Variants in KANSL1 observed in about 807,000 individuals in gnomAD.
KANSL1 encodes MLL1/MLL complex subunit KANSL1.
Under a neutral mutation model 103.6 loss-of-function variants are expected in KANSL1, and 22 were observed. That is an observed-to-expected ratio of 0.21 (90% CI 0.15 to 0.30). The LOEUF is 0.30. Ranked by LOEUF, KANSL1 falls within the 10% of genes least tolerant of loss-of-function variation. The probability of loss-of-function intolerance (pLI) is 1.00; values close to 1 mark genes in which losing one functional copy is unlikely to be tolerated. For missense variants in KANSL1, 1,337 were observed against 1,399.8 expected (o/e 0.96, Z 0.72); for synonymous variants, 600 against 527.6 (o/e 1.14, Z -1.88).
chr17:46,135,167 A>G (rs1158701577), intron 2 of KANSL1, among the ~76,000 whole-genome samples: 1 of 152,214 alleles, frequency 6.6e-6, no homozygotes, highest in Non-Finnish European at 1.5e-5. Flanking sequence ...GGGAAAAAAA[A>G]AAGCCTATCT....
chr17:46,098,489 C>G (rs2146984123), intron 2 of KANSL1, among the ~76,000 whole-genome samples: 1 of 152,314 alleles, frequency 6.6e-6, no homozygotes, highest in African/African-American at 2.4e-5. Flanking sequence ...AAGAAAATTA[C>G]TTAAAACATT....
chr17:46,033,082 G>A lies in KANSL1; in HGVS notation c.2835C>T (p.Ser945=). The A allele has an allele frequency of 6.4e-7, 1 of 1,569,372 alleles. No homozygotes were observed. Among genetic ancestry groups the A allele is most frequent in the Admixed American group, 1.8e-5 (1 of 54,418 alleles). ...GGGACCCAAGCCTGCCCCATCACCT[G>A]CTGCCCCGCCGCTGGGGTGGCACAC... The part of the protein sequence containing the change: ...TTSVPPQRRG[S]RSYRSSDGRT... Residue 945 remains serine, a splice_region_variant and synonymous_variant, in exon 13 of 15, where the codon AGC becomes AGT. Transcript: ENST00000432791.
chr17:46,133,886 A>G (rs193137745), intron 2 of KANSL1, among the ~76,000 whole-genome samples: 27 of 152,374 alleles, frequency 1.8e-4, no homozygotes, highest in African/African-American at 6.5e-4. Context: ...AGGTTACTAT[A>G]TTGGTTCAAG....
intron 2 of KANSL1, among the ~76,000 whole-genome samples, chr17:46,147,444 T>C (rs1024320105): frequency 1.3e-5 from 2 of 151,944 alleles, no homozygotes; most frequent in South Asian, 2.1e-4. Context: ...TGTGGTAGCA[T>C]GCGCCTGTAG....
intron 3 of KANSL1, among the ~76,000 whole-genome samples, chr17:46,086,724 G>C (rs62060858): frequency 0.14 from 21,795 of 152,164 alleles, 2,130 homozygotes; most frequent in Non-Finnish European, 0.22. Context: ...GAAGCCAATG[G>C]AGGAGGACTG....
rs1388256066 is a variant in KANSL1, at chr17:46,031,212, C to CCAG, written c.*261_*263dup. The CCAG allele has an allele frequency of 7.1e-6, 4 of 564,000 alleles. No individual in the cohort carries two copies. The highest frequency in any genetic ancestry group is 1.3e-5 in the Non-Finnish European group (4 of 314,432). 34.9% of individuals were successfully genotyped at this position (564,000 alleles called of 1,614,324 possible). A position where few individuals can be genotyped will look rare whatever the true frequency, so the allele number is the denominator to read the frequency against. The stretch of plus-strand genomic sequence containing the variant: ...GTGATTCAACAGTGCAGAGGATGTG[C>CCAG]CAGGACCAGGCCAGCAGGGTCTCAT... On this transcript the variant is annotated 3_prime_UTR_variant, in exon 15 of 15. Coordinates refer to ENST00000432791, the MANE Select transcript of KANSL1 (RefSeq NM_015443.4).
chr17:46,115,816 T>C (rs1467000621), intron 2 of KANSL1, among the ~76,000 whole-genome samples: 2 of 152,148 alleles, frequency 1.3e-5, no homozygotes, highest in Non-Finnish European at 2.9e-5. Context: ...CAGAGATCTC[T>C]AGGCTCATCA....
chr17:46,155,638 T>C (rs1356334676), intron 2 of KANSL1, among the ~76,000 whole-genome samples: 1 of 152,200 alleles, frequency 6.6e-6, no homozygotes, highest in Non-Finnish European at 1.5e-5. Context: ...AAATAATTAT[T>C]AGTCCCAAAA....
At chr17:46,179,031 G>C (rs944246433) in intron 1 of KANSL1, among the ~76,000 whole-genome samples, 11 of 152,276 alleles carry the variant, frequency 7.2e-5, no homozygotes, top group Admixed American at 6.5e-4. Context: ...GACATCTCAC[G>C]ATGAGTAATC....
At chr17:46,046,319 G>A (rs74571696) in intron 7 of KANSL1, among the ~76,000 whole-genome samples, 21,768 of 151,408 alleles carry the variant, frequency 0.14, 2,129 homozygotes, top group Non-Finnish European at 0.22. Context: ...AGATCGCTTG[G>A]GCCCAAGAGT....
chr17:46,085,996 G>T (rs954447219), intron 3 of KANSL1, among the ~76,000 whole-genome samples: 7 of 152,174 alleles, frequency 4.6e-5, no homozygotes, highest in Admixed American at 1.3e-4. Flanking sequence ...AATGACCCAT[G>T]TCCCTTAGCA....
At chr17:46,044,957 T>C (rs1318788793) in intron 7 of KANSL1, 4 of 152,128 alleles carry the variant, frequency 2.6e-5, no homozygotes, top group African/African-American at 9.7e-5. Context: ...CCTTTATGTC[T>C]GGTATAAATG....
In KANSL1 at chr17:46,038,992, A is replaced by C. The variant is rs1192196902; in HGVS notation, c.2392+35T>G. ...GCCCCAGAAAGCCCTGAGCAGGTGC[A>C]GTTGCAGGTAGAGGTGCCATGGGCC... On this transcript the variant is annotated intron_variant, in intron 9 of 14. Coordinates refer to ENST00000432791, the MANE Select transcript of KANSL1 (RefSeq NM_015443.4). 3 of 1,592,006 alleles carry C rather than the reference A, an allele frequency of 1.9e-6. No individual in the cohort carries two copies. In the African/African-American group the frequency reaches 4.1e-5, roughly 22 times the overall value.
At chr17:46,129,417 A>T (rs1225073093) in intron 2 of KANSL1, among the ~76,000 whole-genome samples, 5 of 152,216 alleles carry the variant, frequency 3.3e-5, no homozygotes, top group East Asian at 3.8e-4. Flanking sequence ...GTATATATAT[A>T]AAAAAACTGC....
intron 2 of KANSL1, among the ~76,000 whole-genome samples, chr17:46,120,893 A>G (rs1334306612): frequency 6.6e-6 from 1 of 152,230 alleles, no homozygotes; most frequent in African/African-American, 2.4e-5. Context: ...TCAGCATCTC[A>G]TTATCTTTAT....
chr17:46,048,580 CAACAAA>C (rs2077596154), intron 7 of KANSL1, among the ~76,000 whole-genome samples: 1 of 151,964 alleles, frequency 6.6e-6, no homozygotes. Flanking sequence ...AACAAAACAA[CAACAAA>C]AACAAAAACC....
At chr17:46,199,025 G>A (rs1307904070) in intron 1 of KANSL1, among the ~76,000 whole-genome samples, 2 of 152,114 alleles carry the variant, frequency 1.3e-5, no homozygotes, top group East Asian at 3.8e-4. Context: ...TGAAACTGAG[G>A]CATGTTCTCA....
intron 3 of KANSL1, chr17:46,093,081 GTT>G (rs1368494356): frequency 1.3e-5 from 2 of 152,156 alleles, no homozygotes; most frequent in Non-Finnish European, 2.9e-5. Flanking sequence ...AATCTCAGTT[GTT>G]ACTAAGAGAC....
intron 2 of KANSL1, among the ~76,000 whole-genome samples, chr17:46,160,264 A>G (rs1169096890): frequency 2.0e-5 from 3 of 152,172 alleles, no homozygotes; most frequent in African/African-American, 4.8e-5. Context: ...CACTTCCTAG[A>G]TGTTAGTCTG....
Sources: gnomAD v4.1 joint callset for allele counts (sites outside exome capture counted in the v4.1 genomes callset) on GRCh38, gnomAD v4.1.1 for gene constraint, MANE v1.5 for transcripts, NCBI Gene and HGNC (gene_info 2026-07-23, HGNC 2026-07-21) for gene names.